The following TEX9 variants were observed in gnomAD, a reference collection of about 807,000 sequenced individuals.
The protein encoded by TEX9 is testis-expressed protein 9.
In TEX9, 74 loss-of-function variants were observed where a neutral mutation model predicts 59.6. The observed-to-expected ratio is 1.24, with a 90% CI of 1.03 to 1.51. The LOEUF is 1.51. Ranked by LOEUF, TEX9 falls within the 40% of genes most tolerant of loss-of-function variation. TEX9 has a pLI of 0.00. For missense variants in TEX9, 522 were observed against 447.8 expected (o/e 1.17, Z -1.49); for synonymous variants, 186 against 152.2 (o/e 1.22, Z -1.64).
At chr15:56,337,702 A>G (rs1464547477) in intron 1 of TEX9, among the ~76,000 whole-genome samples, 1 of 152,236 alleles carries the variant, frequency 6.6e-6, no homozygotes, top group Non-Finnish European at 1.5e-5. Context: ...TTCAATTGGA[A>G]AGGAAAATAA....
chr15:56,266,406 G>T (rs969166428), intron 1 of TEX9, among the ~76,000 whole-genome samples: 1 of 151,324 alleles, frequency 6.6e-6, no homozygotes. Flanking sequence ...TACATGTGCC[G>T]TGTTGGTTTG....
intron 2 of TEX9, among the ~76,000 whole-genome samples, chr15:56,367,180 T>G (rs567538937): frequency 1.3e-5 from 2 of 152,322 alleles, no homozygotes; most frequent in East Asian, 3.9e-4. Flanking sequence ...ACGAGATAGC[T>G]AAACAGTATT....
In TEX9 at chr15:56,426,626, T is replaced by TACATACAC. The variant is rs1555447102; in HGVS notation, c.964-976_964-975insTACACACA. On this transcript the variant is annotated intron_variant, in intron 10 of 12. Coordinates refer to ENST00000352903, the Ensembl canonical transcript of TEX9. ...ATATATATATATATATATATATATATACACACACACAAACACACACACACA... is the reference window on the plus strand; with the variant it reads ...ATATATATATATATATATATATATATACATACACACACACACACAAACACACACACACA... Among the ~76,000 whole-genome samples, 25 of 47,202 alleles carry TACATACAC rather than the reference T, an allele frequency of 5.3e-4. 1 individual carries two copies. Among genetic ancestry groups the TACATACAC allele is most frequent in the Non-Finnish European group, 1.1e-3 (22 of 19,834 alleles). 31.0% of individuals were successfully genotyped at this position (47,202 alleles called of 152,430 possible).
At chr15:56,337,639 T>G (rs2141812364) in intron 1 of TEX9, among the ~76,000 whole-genome samples, 1 of 152,344 alleles carries the variant, frequency 6.6e-6, no homozygotes, top group South Asian at 2.1e-4. Flanking sequence ...TGAACTTCCC[T>G]CTTACCTCTG....
intron 1 of TEX9, among the ~76,000 whole-genome samples, chr15:56,280,625 C>G (rs1223026628): frequency 6.6e-6 from 1 of 152,014 alleles, no homozygotes; most frequent in East Asian, 1.9e-4. Flanking sequence ...GAAACTTCAT[C>G]CATAAGAAAA....
upstream of TEX9, among the ~76,000 whole-genome samples, chr15:56,363,415 C>T (rs10851607): frequency 0.13 from 19,647 of 151,914 alleles, 1,699 homozygotes; most frequent in East Asian, 0.37. Flanking sequence ...GTGATCTGCC[C>T]GCCTCAGCAT....
chr15:56,384,138 T>G (rs1413192485), intron 4 of TEX9, 107 bp downstream of exon 4: 1 of 826,186 alleles, frequency 1.2e-6, no homozygotes, highest in African/African-American at 1.7e-5. Context: ...ATTTGAAGAA[T>G]AATGTATATA....
At chr15:56,325,913 G>A (rs1165750770) in intron 1 of TEX9, among the ~76,000 whole-genome samples, 1 of 152,192 alleles carries the variant, frequency 6.6e-6, no homozygotes, top group Non-Finnish European at 1.5e-5. Context: ...TGCACAAGGT[G>A]CTTCAATGAT....
intron 10 of TEX9, among the ~76,000 whole-genome samples, chr15:56,417,227 C>T (rs920985327): frequency 7.3e-5 from 11 of 151,696 alleles, no homozygotes; most frequent in Admixed American, 2.0e-4. Flanking sequence ...TGTTATTTCT[C>T]ATCTTCTGCT....
At chr15:56,452,679 C>T in the TEX9 span, among the ~76,000 whole-genome samples, 3 of 151,716 alleles carry the variant, frequency 2.0e-5, no homozygotes, top group East Asian at 1.9e-4. Flanking sequence ...CCACCAGGCC[C>T]GGCTAATTTT....
At chr15:56,317,106 G>C (rs944218057) in intron 1 of TEX9, among the ~76,000 whole-genome samples, 10 of 152,134 alleles carry the variant, frequency 6.6e-5, no homozygotes, top group Non-Finnish European at 1.3e-4. Context: ...GAAATCACCC[G>C]TCTTCTGCGT....
At chr15:56,445,544 C>A (rs1435163322) in intron 12 of TEX9, 1 of 151,920 alleles carries the variant, frequency 6.6e-6, no homozygotes, top group Non-Finnish European at 1.5e-5. Context: ...TATGACTTGA[C>A]CAAAAATGTT....
In TEX9 at chr15:56,388,657, C is replaced by T. The variant is rs1012695209; in HGVS notation, c.312+137C>T. 2.5e-4 allele frequency: 155 copies of T among 615,160 alleles called. No homozygotes were observed. The Middle Eastern group carries it at 2.9e-3, about 12-fold the overall frequency. The allele number at this position is 615,160 out of a possible 1,614,324, so 38.1% of individuals were successfully genotyped here. ...ATGAACCTTGATACTCAGAGGGATG[C>T]ATTTGTGAAGTGTCCCTCATAAACT... On this transcript the variant is annotated intron_variant, in intron 5 of 12. Coordinates refer to ENST00000352903, the Ensembl canonical transcript of TEX9.
At chr15:56,435,214 T>C (rs2140332974) in intron 12 of TEX9, among the ~76,000 whole-genome samples, 1 of 152,086 alleles carries the variant, frequency 6.6e-6, no homozygotes, top group Non-Finnish European at 1.5e-5. Context: ...ACTAAATGCA[T>C]GTATGTAGGA....
intron 2 of TEX9, among the ~76,000 whole-genome samples, chr15:56,371,559 G>T (rs1304214410): frequency 6.6e-6 from 1 of 151,160 alleles, no homozygotes; most frequent in Non-Finnish European, 1.5e-5. Context: ...CCTCACATCT[G>T]CTGATTCTCT....
chr15:56,368,287 TTTC>T (rs1269152480), intron 2 of TEX9, among the ~76,000 whole-genome samples: 34 of 152,146 alleles, frequency 2.2e-4, no homozygotes, highest in African/African-American at 8.2e-4. Context: ...CAAAGGCAGG[TTTC>T]TTGTTTTCCT....
At chr15:56,327,387 A>G (rs2141739731) in intron 1 of TEX9, among the ~76,000 whole-genome samples, 1 of 152,332 alleles carries the variant, frequency 6.6e-6, no homozygotes, top group East Asian at 1.9e-4. Context: ...GTTTATTAAA[A>G]CAATGCTTAA....
chr15:56,443,644 C>G, intron 12 of TEX9: 1 of 1,611,750 alleles, frequency 6.2e-7, no homozygotes, highest in East Asian at 2.2e-5. Flanking sequence ...ATACCGCATT[C>G]TGAAGCTGTA....
chr15:56,428,009 A>AAATT (rs1312623510), intron 11 of TEX9, among the ~76,000 whole-genome samples: 2 of 152,110 alleles, frequency 1.3e-5, no homozygotes, highest in Non-Finnish European at 2.9e-5. Context: ...AGAAAGTACC[A>AAATT]AATTAAAGAA....
Sources: allele counts gnomAD v4.1 joint callset (sites outside exome capture counted in the v4.1 genomes callset), GRCh38; gene constraint gnomAD v4.1.1; transcripts MANE v1.5; gene names NCBI Gene and HGNC (gene_info 2026-07-23, HGNC 2026-07-21).